ZNF280D: variants seen among roughly 807,000 people sequenced by gnomAD.
The protein encoded by ZNF280D is zinc finger protein 280D.
In ZNF280D, 39 loss-of-function variants were observed where a neutral mutation model predicts 94.7. The ratio of observed to expected loss-of-function variants is 0.41; its 90% CI spans 0.32 to 0.54. The LOEUF (loss-of-function observed/expected upper bound fraction) is 0.54. ZNF280D is among the 20% of genes least tolerant of loss of function. ZNF280D has a pLI of 0.22. For missense variants in ZNF280D, 1,090 were observed against 1,149.3 expected, an observed-to-expected ratio of 0.95 and a Z score of 0.75; for synonymous variants, 398 against 377.6, an observed-to-expected ratio of 1.05 and a Z score of -0.63.
intron 1 of ZNF280D, among the ~76,000 whole-genome samples, chr15:56,729,347 A>G (rs1049303685): frequency 7.9e-5 from 12 of 152,214 alleles, no homozygotes; most frequent in Non-Finnish European, 1.8e-4. Flanking sequence ...GAAGAACAGC[A>G]TTGAACTTCT....
intron 6 of ZNF280D, chr15:56,698,863 T>C (rs1160082560): frequency 6.6e-6 from 1 of 152,156 alleles, no homozygotes; most frequent in Non-Finnish European, 1.5e-5. Context: ...AACTGAATGC[T>C]ACCAACAACC....
At chr15:56,672,109 A>C (rs562810169) in intron 13 of ZNF280D, among the ~76,000 whole-genome samples, 6 of 152,222 alleles carry the variant, frequency 3.9e-5, no homozygotes, top group African/African-American at 1.2e-4. Context: ...TAGATATAGG[A>C]TCATGTCATC....
chr15:56,691,426 T>C (rs2056415450), intron 7 of ZNF280D, among the ~76,000 whole-genome samples: 1 of 152,228 alleles, frequency 6.6e-6, no homozygotes, highest in South Asian at 2.1e-4. Flanking sequence ...AATTCTGAAT[T>C]AAGCATCTGA....
intron 13 of ZNF280D, among the ~76,000 whole-genome samples, chr15:56,670,189 G>GTTTA (rs747075583): frequency 9.7e-5 from 14 of 144,712 alleles, no homozygotes; most frequent in African/African-American, 3.6e-4. Context: ...AAATACAACT[G>GTTTA]TTTATTTATT....
At chr15:56,676,622 T>G in intron 13 of ZNF280D, 48 bp downstream of exon 13, 1 of 1,505,270 alleles carries the variant, frequency 6.6e-7, no homozygotes, top group Non-Finnish European at 8.9e-7. Flanking sequence ...ATAATCAGTT[T>G]TTTCACTAAG....
rs1457242944 is a variant in ZNF280D, at chr15:56,640,854, G to A, written c.2259+2098C>T. On this transcript the variant is annotated intron_variant, in intron 20 of 21. Coordinates refer to ENST00000267807, the MANE Select transcript of ZNF280D (RefSeq NM_017661.4). ...AACACAAACTTGATTGTATGTTATTGATATCAAATGCTGCTTTAAACTATT... is the reference window on the plus strand; with the variant it reads ...AACACAAACTTGATTGTATGTTATTAATATCAAATGCTGCTTTAAACTATT... 3.3e-5 allele frequency among the ~76,000 whole-genome samples: 5 copies of A among 152,270 alleles called. No individual in the cohort carries two copies. The South Asian group carries it at 1.0e-3, about 32-fold the overall frequency.
At chr15:56,687,356 T>G (rs1295540379) in intron 9 of ZNF280D, among the ~76,000 whole-genome samples, 1 of 152,086 alleles carries the variant, frequency 6.6e-6, no homozygotes, top group Admixed American at 6.6e-5. Context: ...AAGTAACACA[T>G]AAAAGCCACA....
rs546093688 is a variant in ZNF280D, at chr15:56,678,011, T to C, written c.1163-337A>G. Among the ~76,000 whole-genome samples, 171 of 150,598 alleles carry C rather than the reference T, an allele frequency of 1.1e-3. 4 individuals are homozygous for C. The South Asian group carries it at 0.023, about 20-fold the overall frequency. The stretch of plus-strand genomic sequence containing the variant: ...CCAACATCTGTAATTTTCTTTCTTT[T>C]TTTTTTTTTTTTTGGAGACAGTATC... On this transcript the variant is annotated intron_variant, in intron 11 of 21. Transcript: ENST00000267807.
intron 16 of ZNF280D, among the ~76,000 whole-genome samples, chr15:56,659,850 C>T (rs1053381193): frequency 1.4e-4 from 21 of 151,566 alleles, no homozygotes; most frequent in Admixed American, 8.6e-4. Flanking sequence ...AATGCTTACT[C>T]TCAGATACAA....
chr15:56,636,520 G>C (rs1451690824), intron 20 of ZNF280D, among the ~76,000 whole-genome samples: 1 of 128,516 alleles, frequency 7.8e-6, no homozygotes, highest in Non-Finnish European at 1.6e-5. Context: ...GTCTAGCTCT[G>C]TCACCTAGGA....
chr15:56,688,359 C>T (rs1349419335), intron 9 of ZNF280D, among the ~76,000 whole-genome samples: 4 of 151,688 alleles, frequency 2.6e-5, no homozygotes, highest in African/African-American at 9.7e-5. Flanking sequence ...GGCGTGGTGG[C>T]GGGCGCCTGT....
chr15:56,681,413 A>T (rs1412545024), intron 10 of ZNF280D, among the ~76,000 whole-genome samples: 1 of 152,222 alleles, frequency 6.6e-6, no homozygotes, highest in Admixed American at 6.5e-5. Context: ...GGATGAAGAG[A>T]TACATAATAA....
At chr15:56,710,200 C>T (rs1266349304) in intron 1 of ZNF280D, among the ~76,000 whole-genome samples, 1 of 152,080 alleles carries the variant, frequency 6.6e-6, no homozygotes. Flanking sequence ...GTCAGGAGTT[C>T]GAGACCAGCC....
rs1047863275 is a variant in ZNF280D at position 56,733,194 on chromosome 15, G to A, written c.-86+264C>T. Among the ~76,000 whole-genome samples the A allele has an allele frequency of 5.3e-5, 8 of 152,320 alleles. No individual in the cohort carries two copies. The East Asian group carries it at 1.6e-3, about 30-fold the overall frequency. On this transcript the variant is annotated intron_variant, in intron 1 of 21. Coordinates refer to ENST00000267807, the MANE Select transcript of ZNF280D (RefSeq NM_017661.4). ...AGGTGGCGGAGGAGCAGAAGGCGAA[G>A]GCCTGCGCGGCCCAGGCCTGCAGCA...
intron 3 of ZNF280D, among the ~76,000 whole-genome samples, chr15:56,705,972 T>C (rs1438140402): frequency 1.3e-5 from 2 of 150,814 alleles, no homozygotes; most frequent in South Asian, 2.1e-4. Context: ...AGGTATAGGC[T>C]GAACTGTGTT....
intron 21 of ZNF280D, among the ~76,000 whole-genome samples, chr15:56,633,758 G>C (rs1301483910): frequency 1.3e-5 from 2 of 151,864 alleles, no homozygotes; most frequent in Non-Finnish European, 2.9e-5. Flanking sequence ...CAAAGTGCTG[G>C]GATTACAGGC....
chr15:56,685,795 C>G (rs2055965720), intron 9 of ZNF280D, among the ~76,000 whole-genome samples: 1 of 152,054 alleles, frequency 6.6e-6, no homozygotes, highest in South Asian at 2.1e-4. Context: ...AAAGCAACCA[C>G]ATTGTGAAAG....
intron 3 of ZNF280D, among the ~76,000 whole-genome samples, chr15:56,705,949 A>G (rs2057376942): frequency 6.6e-6 from 1 of 151,230 alleles, no homozygotes; most frequent in Non-Finnish European, 1.5e-5. Flanking sequence ...TATTATTTAT[A>G]TCCAGTTGGT....
intron 1 of ZNF280D, among the ~76,000 whole-genome samples, chr15:56,721,272 A>C (rs1409406259): frequency 6.6e-6 from 1 of 152,166 alleles, no homozygotes; most frequent in African/African-American, 2.4e-5. Flanking sequence ...CATCTGGCAG[A>C]TTTAGCACAA....
Sources: allele counts gnomAD v4.1 joint callset (sites outside exome capture counted in the v4.1 genomes callset), GRCh38; gene constraint gnomAD v4.1.1; transcripts MANE v1.5; gene names NCBI Gene and HGNC (gene_info 2026-07-23, HGNC 2026-07-21).